Variants in ALK observed in about 807,000 individuals in gnomAD.
ALK encodes ALK tyrosine kinase receptor.
A neutral mutation model predicts 163.1 loss-of-function variants in ALK; 74 were observed. That is an observed-to-expected ratio of 0.45 (90% confidence interval 0.38 to 0.55). The LOEUF (loss-of-function observed/expected upper bound fraction) is 0.55. Ranked by LOEUF, ALK falls within the 20% of genes least tolerant of loss-of-function variation. The pLI, the probability that ALK is intolerant of heterozygous loss-of-function variation, is 0.00. For missense variants in ALK, 2,063 were observed against 2,105.3 expected, an observed-to-expected ratio of 0.98 and a Z score of 0.39; for synonymous variants, 960 against 843.2, an observed-to-expected ratio of 1.14 and a Z score of -2.40.
chr2:29,387,265 G>C (rs1349393175), intron 4 of ALK, among the ~76,000 whole-genome samples: 3 of 152,152 alleles, frequency 2.0e-5, no homozygotes, highest in African/African-American at 7.2e-5. Flanking sequence ...TTTGAATAAG[G>C]CACTTCTCTC....
intron 1 of ALK, among the ~76,000 whole-genome samples, chr2:29,816,706 C>T (rs996233091): frequency 1.3e-5 from 2 of 152,204 alleles, no homozygotes; most frequent in African/African-American, 4.8e-5. Flanking sequence ...CACCACCTGG[C>T]TCTGCGACCT....
intron 4 of ALK, among the ~76,000 whole-genome samples, chr2:29,491,442 T>C (rs555090480): frequency 6.6e-6 from 1 of 152,330 alleles, no homozygotes; most frequent in Non-Finnish European, 1.5e-5. Flanking sequence ...ATCTATCCCA[T>C]GCAACTATGT....
At position 29,686,022 on chromosome 2, in the gene ALK, T is replaced by C. The variant is rs1558441709; in HGVS notation, c.952+8828A>G. 2.0e-5 allele frequency among the ~76,000 whole-genome samples: 3 copies of C among 152,184 alleles called. No homozygotes were observed. The South Asian group carries it at 6.2e-4, about 31-fold the overall frequency. On this transcript the variant is annotated intron_variant, in intron 3 of 28. Transcript: ENST00000389048. ...CTCTCCTGCCTCCCTCCTTCCCTTTTAAGGTCCCCTGTGATTCCACTGGGT... is the reference window on the plus strand; with the variant it reads ...CTCTCCTGCCTCCCTCCTTCCCTTTCAAGGTCCCCTGTGATTCCACTGGGT...
rs368380756 is a variant in ALK at position 29,214,100 on chromosome 2, G to T, written c.3646-19C>A. The T allele has an allele frequency of 6.2e-7, 1 of 1,607,842 alleles. No homozygotes were observed. The highest frequency in any genetic ancestry group is 1.1e-5 in the South Asian group (1 of 90,922). On this transcript the variant is annotated intron_variant, in intron 23 of 28. Coordinates refer to ENST00000389048, the MANE Select transcript of ALK (RefSeq NM_004304.5). ...GCTGGCTCTGTGGGGAGACAGAAGC[G>T]GGCCACTGACGAGGAGCTTGTCAGT...
At chr2:29,462,100 A>G (rs1671098298) in intron 4 of ALK, among the ~76,000 whole-genome samples, 1 of 152,182 alleles carries the variant, frequency 6.6e-6, no homozygotes, top group Admixed American at 6.6e-5. Context: ...GATGTGTCTG[A>G]ATTGCTGCAA....
At chr2:29,242,737 A>C (rs1022378014) in intron 12 of ALK, among the ~76,000 whole-genome samples, 2 of 152,216 alleles carry the variant, frequency 1.3e-5, no homozygotes, top group South Asian at 2.1e-4. Flanking sequence ...CCCTGCTCTC[A>C]TGGGCATACA....
At chr2:29,500,409 C>A (rs1481848209) in intron 4 of ALK, among the ~76,000 whole-genome samples, 3 of 152,178 alleles carry the variant, frequency 2.0e-5, no homozygotes, top group Non-Finnish European at 1.5e-5. Flanking sequence ...TAAGTTTCCT[C>A]AGGCCTCCTG....
chr2:29,296,755 G>T, intron 9 of ALK, 133 bp downstream of exon 9: 2 of 1,011,926 alleles, frequency 2.0e-6, no homozygotes, highest in South Asian at 1.4e-5. Context: ...GTGCGTGCAC[G>T]CGCACATATC....
intron 3 of ALK, among the ~76,000 whole-genome samples, chr2:29,625,395 G>T (rs750638283): frequency 6.6e-6 from 1 of 152,154 alleles, no homozygotes; most frequent in African/African-American, 2.4e-5. Context: ...AAAGCTTTCC[G>T]ATAGATTTAA....
chr2:29,760,321 C>T (rs1412407438), intron 1 of ALK, among the ~76,000 whole-genome samples: 1 of 152,190 alleles, frequency 6.6e-6, no homozygotes, highest in Non-Finnish European at 1.5e-5. Flanking sequence ...TGGGCAACTC[C>T]AGGCAAGCTA....
intron 4 of ALK, among the ~76,000 whole-genome samples, chr2:29,394,818 A>G (rs1279345840): frequency 2.6e-5 from 4 of 151,556 alleles, no homozygotes; most frequent in East Asian, 1.9e-4. Context: ...TTTTAGCACC[A>G]TCTGTTCTTT....
At chr2:29,256,566 G>C (rs1664953623) in intron 11 of ALK, among the ~76,000 whole-genome samples, 1 of 151,968 alleles carries the variant, frequency 6.6e-6, no homozygotes, top group Non-Finnish European at 1.5e-5. Context: ...GGCTTGAAAA[G>C]GGGCTCAGCT....
intron 3 of ALK, among the ~76,000 whole-genome samples, chr2:29,622,722 C>G (rs148278027): frequency 6.6e-6 from 1 of 152,126 alleles, no homozygotes; most frequent in Non-Finnish European, 1.5e-5. Context: ...TGGGCCAGCC[C>G]CCTCACCCCT....
At chr2:29,784,042 A>C (rs1355646203) in intron 1 of ALK, among the ~76,000 whole-genome samples, 1 of 152,226 alleles carries the variant, frequency 6.6e-6, no homozygotes, top group Non-Finnish European at 1.5e-5. Context: ...GAATGCCATG[A>C]TATTAGATAT....
intron 26 of ALK, among the ~76,000 whole-genome samples, chr2:29,204,260 C>T (rs1669258180): frequency 6.6e-6 from 1 of 152,200 alleles, no homozygotes; most frequent in Non-Finnish European, 1.5e-5. Flanking sequence ...GACTAAAGCC[C>T]ATACTTCATT....
chr2:29,247,764 A>G (rs1664721398), intron 12 of ALK, among the ~76,000 whole-genome samples: 1 of 152,038 alleles, frequency 6.6e-6, no homozygotes, highest in African/African-American at 2.4e-5. Context: ...CAGTGGGCAG[A>G]GAAGTCAGTG....
chr2:29,582,574 G>A (rs1351554042), intron 3 of ALK, among the ~76,000 whole-genome samples: 1 of 152,190 alleles, frequency 6.6e-6, no homozygotes, highest in Non-Finnish European at 1.5e-5. Context: ...GGCACACTGT[G>A]ATGTGACTTC....
At chr2:29,363,234 A>G (rs1573282824) in intron 5 of ALK, among the ~76,000 whole-genome samples, 1 of 152,350 alleles carries the variant, frequency 6.6e-6, no homozygotes, top group East Asian at 1.9e-4. Context: ...ATGCACTAAC[A>G]TAAATCAATG....
At chr2:29,591,255 G>A (rs866011516) in intron 3 of ALK, among the ~76,000 whole-genome samples, 4 of 151,954 alleles carry the variant, frequency 2.6e-5, no homozygotes, top group South Asian at 2.1e-4. Flanking sequence ...TCATTTATCA[G>A]GTCCTTCAGA....
Sources: gnomAD v4.1 joint callset for allele counts (sites outside exome capture counted in the v4.1 genomes callset) on GRCh38, gnomAD v4.1.1 for gene constraint, MANE v1.5 for transcripts, NCBI Gene and HGNC (gene_info 2026-07-23, HGNC 2026-07-21) for gene names.